The following DPP10 variants were observed in gnomAD, a reference collection of about 807,000 sequenced individuals.
DPP10 encodes the protein inactive dipeptidyl peptidase 10.
Under a neutral mutation model 120.9 loss-of-function variants are expected in DPP10, and 33 were observed. The ratio of observed to expected loss-of-function variants is 0.27; its 90% CI spans 0.21 to 0.37. DPP10 has a LOEUF of 0.37. Among genes scored for constraint, DPP10 ranks in the 10% least tolerant of loss-of-function variants. The pLI, the probability that DPP10 is intolerant of heterozygous loss-of-function variation, is 1.00. For synonymous variants in DPP10, 337 were observed against 326.1 expected (o/e 1.03, Z -0.36); for missense variants, 816 against 942.8 (o/e 0.87, Z 1.76).
chr2:114,946,644 C>T (rs1471855055), intron 1 of DPP10, among the ~76,000 whole-genome samples: 1 of 151,934 alleles, frequency 6.6e-6, no homozygotes, highest in Non-Finnish European at 1.5e-5. Flanking sequence ...TAGCATAAAT[C>T]CATGTTTTAT....
chr2:115,047,880 C>A (rs187460200), intron 1 of DPP10, among the ~76,000 whole-genome samples: 4 of 152,188 alleles, frequency 2.6e-5, no homozygotes, highest in Admixed American at 2.6e-4. Context: ...AATGTGACTT[C>A]TATCTCTCTA....
intron 7 of DPP10, among the ~76,000 whole-genome samples, chr2:115,704,363 C>T (rs1428994332): frequency 6.6e-6 from 1 of 151,788 alleles, no homozygotes; most frequent in East Asian, 1.9e-4. Context: ...TTCTGGCATT[C>T]CTCTCTCTCA....
intron 3 of DPP10, among the ~76,000 whole-genome samples, chr2:115,489,210 A>G (rs906203422): frequency 2.0e-5 from 3 of 152,058 alleles, no homozygotes. Context: ...ATAAGCAGCC[A>G]TGAGCAATAA....
chr2:114,994,077 C>A (rs1406291821), intron 1 of DPP10, among the ~76,000 whole-genome samples: 1 of 152,130 alleles, frequency 6.6e-6, no homozygotes, highest in Non-Finnish European at 1.5e-5. Flanking sequence ...TTTCAATAAA[C>A]CAAGCTAGAA....
At chr2:114,779,282 A>C (rs1166658913) in intron 1 of DPP10, among the ~76,000 whole-genome samples, 3 of 152,122 alleles carry the variant, frequency 2.0e-5, no homozygotes, top group African/African-American at 7.2e-5. Flanking sequence ...AACTATGAGG[A>C]AAAAACAGGC....
At chr2:115,396,868 G>C (rs1011549468) in intron 3 of DPP10, among the ~76,000 whole-genome samples, 1 of 152,026 alleles carries the variant, frequency 6.6e-6, no homozygotes, top group Admixed American at 6.6e-5. Flanking sequence ...AAACTACCGA[G>C]ACTCAAAAAT....
chr2:114,924,263 C>T (rs573772075), intron 1 of DPP10, among the ~76,000 whole-genome samples: 15 of 152,244 alleles, frequency 9.9e-5, no homozygotes, highest in East Asian at 3.9e-4. Flanking sequence ...GTCTTGCTCA[C>T]GCCTGTAATC....
intron 1 of DPP10, among the ~76,000 whole-genome samples, chr2:115,185,010 C>G (rs1404571306): frequency 6.6e-6 from 1 of 152,066 alleles, no homozygotes; most frequent in East Asian, 1.9e-4. Flanking sequence ...TTATGTTAAT[C>G]AAATTATAAA....
intron 1 of DPP10, among the ~76,000 whole-genome samples, chr2:114,654,072 C>T (rs1696802143): frequency 6.6e-6 from 1 of 152,076 alleles, no homozygotes; most frequent in Non-Finnish European, 1.5e-5. Context: ...TTTTTTCTCT[C>T]AAATATTATT....
intron 5 of DPP10, among the ~76,000 whole-genome samples, chr2:115,686,032 G>T (rs968364113): frequency 6.6e-6 from 1 of 152,050 alleles, no homozygotes; most frequent in Non-Finnish European, 1.5e-5. Flanking sequence ...CAATTGAGTT[G>T]CTTGTTGTCT....
chr2:114,456,650 A>G (rs1678602015), intron 1 of DPP10, among the ~76,000 whole-genome samples: 2 of 152,238 alleles, frequency 1.3e-5, no homozygotes, highest in South Asian at 4.1e-4. Context: ...TATACACTGT[A>G]TAGTTTTATA....
chr2:114,619,972 T>C (rs1446593806), intron 1 of DPP10, among the ~76,000 whole-genome samples: 5 of 151,988 alleles, frequency 3.3e-5, no homozygotes, highest in African/African-American at 4.8e-5. Context: ...AATAAAAGCC[T>C]CATAACAAAC....
chr2:115,164,542 G>T (rs1338935741), intron 1 of DPP10, among the ~76,000 whole-genome samples: 1 of 152,110 alleles, frequency 6.6e-6, no homozygotes, highest in Non-Finnish European at 1.5e-5. Context: ...CAATCACTAT[G>T]CATTGATTTT....
intron 1 of DPP10, among the ~76,000 whole-genome samples, chr2:114,700,242 C>A (rs71418510): frequency 6.6e-6 from 1 of 152,028 alleles, no homozygotes; most frequent in African/African-American, 2.4e-5. Context: ...TCAATCACCT[C>A]CCCACACCAC....
At chr2:114,708,758 G>GT (rs1432489477) in intron 1 of DPP10, among the ~76,000 whole-genome samples, 2 of 151,890 alleles carry the variant, frequency 1.3e-5, no homozygotes, top group Non-Finnish European at 2.9e-5. Flanking sequence ...TTTGTTTTTT[G>GT]TTTTTTGTTT....
intron 1 of DPP10, among the ~76,000 whole-genome samples, chr2:114,791,171 C>A (rs1036477010): frequency 1.3e-5 from 2 of 152,164 alleles, no homozygotes; most frequent in African/African-American, 2.4e-5. Context: ...TGTGACCTAC[C>A]CTTTCTGGGA....
intron 1 of DPP10, among the ~76,000 whole-genome samples, chr2:115,217,377 T>C (rs1049452994): frequency 6.6e-6 from 1 of 152,186 alleles, no homozygotes; most frequent in African/African-American, 2.4e-5. Flanking sequence ...GCTCATTCAA[T>C]ATTAATTCTG....
intron 3 of DPP10, among the ~76,000 whole-genome samples, chr2:115,403,993 C>T (rs76298126): frequency 0.033 from 4,982 of 152,070 alleles, 229 homozygotes; most frequent in African/African-American, 0.1. Context: ...ATCTCATTTA[C>T]AATAGCAATA....
intron 5 of DPP10, among the ~76,000 whole-genome samples, chr2:115,578,464 T>C (rs919757193): frequency 2.1e-5 from 3 of 144,940 alleles, no homozygotes; most frequent in Non-Finnish European, 3.2e-5. Context: ...CTTTCTTCTA[T>C]TATGGCTTCT....
Sources: gnomAD v4.1 joint callset for allele counts (sites outside exome capture counted in the v4.1 genomes callset) on GRCh38, gnomAD v4.1.1 for gene constraint, MANE v1.5 for transcripts, NCBI Gene and HGNC (gene_info 2026-07-23, HGNC 2026-07-21) for gene names.